Variants in RLF observed in about 807,000 individuals in gnomAD.
The protein encoded by RLF is zinc finger protein Rlf.
Under a neutral mutation model 162.9 loss-of-function variants are expected in RLF, and 7 were observed. That is an observed-to-expected ratio of 0.04 (90% CI 0.02 to 0.08). RLF has a LOEUF of 0.08. RLF is among the 10% of genes least tolerant of loss of function. RLF has a pLI of 1.00. For missense variants in RLF, 1,664 were observed against 2,244.7 expected, an observed-to-expected ratio of 0.74 and a Z score of 5.23; for synonymous variants, 782 against 791.5, an observed-to-expected ratio of 0.99 and a Z score of 0.20.
At chr1:40,164,697 G>C (rs569442871) in intron 1 of RLF, among the ~76,000 whole-genome samples, 1 of 151,914 alleles carries the variant, frequency 6.6e-6, no homozygotes, top group Non-Finnish European at 1.5e-5. Context: ...TTTACAATTG[G>C]TGTCTCTATT....
chr1:40,221,076 T>C, intron 5 of RLF, among the ~76,000 whole-genome samples: 1 of 151,586 alleles, frequency 6.6e-6, no homozygotes, highest in Non-Finnish European at 1.5e-5. Flanking sequence ...GAAACTTCAG[T>C]GAGCCGTGAT....
intron 5 of RLF, among the ~76,000 whole-genome samples, chr1:40,221,683 G>A (rs958140976): frequency 4.5e-4 from 68 of 151,288 alleles, no homozygotes; most frequent in African/African-American, 1.5e-3. Flanking sequence ...GGTGAATCAC[G>A]AGGTCTGGAG....
Position 40,239,677 on chromosome 1 carries a change from T to C in RLF, c.4975T>C (p.Ser1659Pro). 1.2e-6 allele frequency: 2 copies of C among 1,614,146 alleles called. No individual in the cohort carries two copies. The highest frequency in any genetic ancestry group is 1.7e-6 in the Non-Finnish European group (2 of 1,180,034). The change falls in exon 8 of 8, where the codon TCA becomes CCA. Residue 1659 changes from serine to proline, a missense_variant. Around this residue, in one of 15 missense-constraint regions of RLF, gnomAD observed 327 missense variants for 342.7 expected, o/e 0.95. Transcript: ENST00000372771. ...GGQKGCIESSSVFDADTLLYR... is the reference protein window; with the variant it reads ...GGQKGCIESSPVFDADTLLYR... Reference sequence around the variant, plus strand: ...TCAGAAAGGGTGCATAGAAAGCAGCTCAGTATTTGATGCAGATACTCTGCT... The same window carrying C: ...TCAGAAAGGGTGCATAGAAAGCAGCCCAGTATTTGATGCAGATACTCTGCT...
intron 4 of RLF, among the ~76,000 whole-genome samples, chr1:40,201,315 G>C (rs986840294): frequency 5.3e-5 from 8 of 151,696 alleles, no homozygotes; most frequent in Non-Finnish European, 1.0e-4. Context: ...ATACTTGTTG[G>C]ATATTTACTA....
In RLF at chr1:40,231,670, A is replaced by G. The variant is rs1430005911; in HGVS notation, c.1089+12A>G. On this transcript the variant is annotated intron_variant, in intron 7 of 7. Transcript: ENST00000372771. The stretch of plus-strand genomic sequence containing the variant: ...TTATACAAACTGAAGTGAGTACTTT[A>G]TGCCTTCTCTGCTAACTGTAGCTGG... 1 of 1,602,672 alleles carries G rather than the reference A, an allele frequency of 6.2e-7. No homozygotes were observed. The highest frequency in any genetic ancestry group is 8.5e-7 in the Non-Finnish European group (1 of 1,175,254).
At chr1:40,196,960 A>C (rs1033900113) in intron 4 of RLF, among the ~76,000 whole-genome samples, 1 of 152,234 alleles carries the variant, frequency 6.6e-6, no homozygotes, top group African/African-American at 2.4e-5. Context: ...AAAGGATTAC[A>C]CTCTGTTAAG....
chr1:40,226,682 A>T (rs570444711), intron 6 of RLF, among the ~76,000 whole-genome samples: 105 of 150,846 alleles, frequency 7.0e-4, no homozygotes, highest in Middle Eastern at 3.4e-3. Flanking sequence ...AGCTTTAAAA[A>T]TTTTTTTTTT....
chr1:40,164,266 C>G (rs1431054894), intron 1 of RLF, among the ~76,000 whole-genome samples: 1 of 152,144 alleles, frequency 6.6e-6, no homozygotes, highest in African/African-American at 2.4e-5. Flanking sequence ...CAAGTAATCC[C>G]TTTTGCAACA....
At chr1:40,182,572 C>A (rs962290951) in intron 1 of RLF, among the ~76,000 whole-genome samples, 1 of 151,918 alleles carries the variant, frequency 6.6e-6, no homozygotes, top group Non-Finnish European at 1.5e-5. Flanking sequence ...TGTTATGTTA[C>A]TTTTATGACA....
intron 1 of RLF, among the ~76,000 whole-genome samples, chr1:40,172,627 A>T: frequency 6.6e-6 from 1 of 152,178 alleles, no homozygotes; most frequent in Non-Finnish European, 1.5e-5. Context: ...TCTACTAAAA[A>T]TACAAAAATC....
At chr1:40,189,351 C>T in intron 2 of RLF, 142 bp downstream of exon 2, 1 of 646,924 alleles carries the variant, frequency 1.5e-6, no homozygotes. Context: ...CCTTCCTACT[C>T]ACGTTCCCAG....
intron 1 of RLF, among the ~76,000 whole-genome samples, chr1:40,164,562 T>C (rs1432031242): frequency 2.0e-5 from 3 of 152,236 alleles, no homozygotes; most frequent in Non-Finnish European, 4.4e-5. Flanking sequence ...GTTCCTTTTC[T>C]GAAACCACTG....
chr1:40,217,564 G>A (rs1252973397), intron 5 of RLF, among the ~76,000 whole-genome samples: 12 of 152,118 alleles, frequency 7.9e-5, no homozygotes, highest in Non-Finnish European at 1.5e-4. Flanking sequence ...CTGAGGTCAG[G>A]AGTTCGAGAC....
chr1:40,187,516 AG>A (rs1557743178), intron 1 of RLF, among the ~76,000 whole-genome samples: 1 of 152,192 alleles, frequency 6.6e-6, no homozygotes, highest in Non-Finnish European at 1.5e-5. Context: ...AAATTACAGA[AG>A]GGCATTTATC....
intron 5 of RLF, among the ~76,000 whole-genome samples, chr1:40,219,734 G>A (rs1642968201): frequency 6.6e-6 from 1 of 152,138 alleles, no homozygotes; most frequent in Admixed American, 6.5e-5. Flanking sequence ...TAATTATCAG[G>A]CATATTCGTG....
intron 4 of RLF, among the ~76,000 whole-genome samples, chr1:40,200,226 C>G (rs1463199438): frequency 6.6e-6 from 1 of 152,146 alleles, no homozygotes; most frequent in Admixed American, 6.5e-5. Flanking sequence ...TTTGAAGTGC[C>G]TTAGGAAATG....
chr1:40,172,368 T>G (rs1051895295), intron 1 of RLF, among the ~76,000 whole-genome samples: 6 of 152,212 alleles, frequency 3.9e-5, no homozygotes, highest in Admixed American at 6.5e-5. Flanking sequence ...ATGAGTACAT[T>G]TGGAGCATGC....
chr1:40,224,572 C>T (rs1267303483), intron 6 of RLF, among the ~76,000 whole-genome samples: 1 of 103,994 alleles, frequency 9.6e-6, no homozygotes, highest in Non-Finnish European at 1.8e-5. Flanking sequence ...CTGCGCCTGG[C>T]CACATCTTTT....
intron 1 of RLF, among the ~76,000 whole-genome samples, chr1:40,170,407 C>T (rs1399844057): frequency 6.6e-6 from 1 of 152,032 alleles, no homozygotes; most frequent in African/African-American, 2.4e-5. Flanking sequence ...GGACCACAGG[C>T]GCGTGCCACC....
Sources: allele counts gnomAD v4.1 joint callset (sites outside exome capture counted in the v4.1 genomes callset), GRCh38; gene constraint gnomAD v4.1.1; regional missense constraint gnomAD v4.1.1; transcripts MANE v1.5; gene names NCBI Gene and HGNC (gene_info 2026-07-23, HGNC 2026-07-21).